Variants in USP7 observed in about 807,000 individuals in gnomAD.
The protein encoded by USP7 is ubiquitin specific peptidase 7, also known as ubiquitin C-terminal hydrolase 7.
In USP7, 9 loss-of-function variants were observed where a neutral mutation model predicts 162.9. The observed-to-expected ratio is 0.06, with a 90% confidence interval of 0.03 to 0.10. USP7 has a LOEUF of 0.10. Among genes scored for constraint, USP7 ranks in the 10% least tolerant of loss-of-function variants. USP7 has a pLI of 1.00. For missense variants in USP7, 715 were observed against 1,373.7 expected (o/e 0.52, Z 7.58); for synonymous variants, 562 against 475.9 (o/e 1.18, Z -2.35).
chr16:8,961,006 A>T (rs1294464004), intron 1 of USP7, among the ~76,000 whole-genome samples: 1 of 152,246 alleles, frequency 6.6e-6, no homozygotes, highest in African/African-American at 2.4e-5. Context: ...AGGAATCAGC[A>T]TTAGTAACTA....
At chr16:8,927,089 C>A (rs930717668) in intron 2 of USP7, among the ~76,000 whole-genome samples, 3 of 152,012 alleles carry the variant, frequency 2.0e-5, no homozygotes, top group African/African-American at 7.2e-5. Flanking sequence ...CCGGGGTGGG[C>A]GAGGCGAATC....
At chr16:8,912,393 T>G (rs1335442796) in intron 10 of USP7, among the ~76,000 whole-genome samples, 1 of 149,532 alleles carries the variant, frequency 6.7e-6, no homozygotes, top group African/African-American at 2.5e-5. Context: ...AAGGTTGTAG[T>G]GAGCTGAGAC....
intron 1 of USP7, among the ~76,000 whole-genome samples, chr16:8,961,506 G>GA (rs1018621734): frequency 8.0e-6 from 1 of 125,122 alleles, no homozygotes; most frequent in African/African-American, 3.1e-5. Context: ...AAAAAAAAAG[G>GA]GGGGGGGGGG....
At chr16:8,897,744 T>TATATATAC (rs2061710689) in intron 25 of USP7, among the ~76,000 whole-genome samples, 1 of 110,724 alleles carries the variant, frequency 9.0e-6, no homozygotes. Flanking sequence ...TATATATATA[T>TATATATAC]ATAAATGAGT....
intron 27 of USP7, 151 bp from the exon 28 acceptor site, chr16:8,895,301 A>G: frequency 7.9e-7 from 1 of 1,259,408 alleles, no homozygotes; most frequent in Non-Finnish European, 1.1e-6. Context: ...AGTGATGGGC[A>G]CTCATGGGAG....
At chr16:8,934,431 G>A (rs367926743) in intron 1 of USP7, among the ~76,000 whole-genome samples, 83 of 152,206 alleles carry the variant, frequency 5.5e-4, no homozygotes, top group African/African-American at 1.9e-3. Flanking sequence ...TAAAAACCAA[G>A]ATCAATTCAA....
intron 7 of USP7, 41 bp downstream of exon 7, chr16:8,916,985 A>AG (rs1555465213): frequency 5.9e-6 from 9 of 1,514,534 alleles, no homozygotes; most frequent in Admixed American, 4.8e-5. Context: ...AAAAAAAAAA[A>AG]AGAGGAAGCA....
rs749894577 is a variant in USP7, at chr16:8,910,825, A to G, written c.1081T>C (p.Phe361Leu). The change falls in exon 11 of 31, where the codon TTT (phenylalanine) becomes CTT (leucine). Residue 361 changes from phenylalanine (F) to leucine (L), a missense_variant and splice_region_variant. By Grantham distance (22) the Phe-to-Leu change is conservative. Transcript: ENST00000344836. Reference sequence around the variant, plus strand: ...GCCACATAATCCACAAATGATTCAAATACTTTAAAGAGAGAGAGAGAAAAG... The same window carrying G: ...GCCACATAATCCACAAATGATTCAAGTACTTTAAAGAGAGAGAGAGAAAAG... ...QLSIKGKKNI[F>L]ESFVDYVAVE... 1.9e-6 allele frequency: 3 copies of G among 1,613,618 alleles called. No homozygotes were observed. The Admixed American group carries it at 5.0e-5, about 27-fold the overall frequency.
chr16:8,906,368 C>G, intron 13 of USP7, 58 bp downstream of exon 13: 1 of 1,576,654 alleles, frequency 6.3e-7, no homozygotes, highest in Non-Finnish European at 8.6e-7. Flanking sequence ...CAGGCTGAAG[C>G]AGAGCTTGTG....
At position 8,894,052 on chromosome 16, in the gene USP7, G is replaced by C; in HGVS notation, c.3255C>G (p.Ala1085=). The C allele has an allele frequency of 6.2e-7, 1 of 1,614,142 alleles. No individual in the cohort carries two copies. The highest frequency in any genetic ancestry group is 8.5e-7 in the Non-Finnish European group (1 of 1,180,028). Residue 1085 remains alanine, a synonymous_variant, in exon 31 of 31, where the codon GCC becomes GCG. Coordinates refer to ENST00000344836, the MANE Select transcript of USP7 (RefSeq NM_003470.3). The stretch of plus-strand genomic sequence containing the variant: ...GGTAAGTGTAGCGACTCCTCTTTGG[G>C]GCTTTGTTGAAGTGGTCGAGCCCTA... ...PWLGLDHFNK[A]PKRSRYTYLE...
intron 1 of USP7, among the ~76,000 whole-genome samples, chr16:8,939,634 A>T (rs907785844): frequency 2.0e-5 from 3 of 152,266 alleles, no homozygotes; most frequent in African/African-American, 7.2e-5. Flanking sequence ...CATGAAGGAA[A>T]CCATGAATGT....
At chr16:8,911,246 C>T (rs992483370) in intron 10 of USP7, among the ~76,000 whole-genome samples, 5 of 152,136 alleles carry the variant, frequency 3.3e-5, no homozygotes, top group Non-Finnish European at 5.9e-5. Context: ...GAGGTCAACA[C>T]GGGGTGGGGT....
At chr16:8,962,701 C>G (rs1900062870) in intron 1 of USP7, 1 of 199,956 alleles carries the variant, frequency 5.0e-6, no homozygotes, top group South Asian at 6.4e-5. Context: ...GAACGTAAGC[C>G]CGACGCTAGG....
intron 1 of USP7, chr16:8,936,804 GA>G (rs1321080927): frequency 1.6e-6 from 2 of 1,225,540 alleles, no homozygotes; most frequent in African/African-American, 3.1e-5. Flanking sequence ...GGCAGTCCAG[GA>G]ACAGAAGAGG....
intron 2 of USP7, among the ~76,000 whole-genome samples, chr16:8,927,976 C>T (rs188015629): frequency 3.9e-5 from 6 of 152,358 alleles, no homozygotes; most frequent in Non-Finnish European, 7.3e-5. Flanking sequence ...GACATCCCAT[C>T]ACTACAAACA....
At chr16:8,932,079 C>G (rs577991059) in intron 1 of USP7, among the ~76,000 whole-genome samples, 1 of 152,262 alleles carries the variant, frequency 6.6e-6, no homozygotes, top group South Asian at 2.1e-4. Flanking sequence ...CAAGAACTCT[C>G]CAAAACCCCA....
At chr16:8,925,280 T>C (rs535683792) in intron 2 of USP7, among the ~76,000 whole-genome samples, 1 of 152,304 alleles carries the variant, frequency 6.6e-6, no homozygotes, top group African/African-American at 2.4e-5. Context: ...GAAGTTACCA[T>C]AACACACACA....
Position 8,912,788 on chromosome 16 carries a change from A to AG in USP7, c.1079-1962dup, listed in dbSNP as rs1236953728. ...AATTATAATTAATTGATAAATACATAGAAAAAAAAGAAGAGATAAAGATTT... is the reference window on the plus strand; with the variant it reads ...AATTATAATTAATTGATAAATACATAGGAAAAAAAAGAAGAGATAAAGATTT... On this transcript the variant is annotated intron_variant, in intron 10 of 30. Coordinates refer to ENST00000344836, the MANE Select transcript of USP7 (RefSeq NM_003470.3). Among the ~76,000 whole-genome samples the AG allele has an allele frequency of 7.2e-5, 11 of 152,208 alleles. No homozygotes were observed. In the East Asian group the frequency reaches 1.5e-3, roughly 21 times the overall value.
intron 1 of USP7, among the ~76,000 whole-genome samples, chr16:8,960,369 C>G (rs1334975358): frequency 1.3e-5 from 2 of 152,166 alleles, no homozygotes; most frequent in Admixed American, 6.5e-5. Context: ...AATAACTATT[C>G]CAGAGCACTG....
Sources: allele counts gnomAD v4.1 joint callset (sites outside exome capture counted in the v4.1 genomes callset), GRCh38; gene constraint gnomAD v4.1.1; transcripts MANE v1.5; gene names NCBI Gene and HGNC (gene_info 2026-07-23, HGNC 2026-07-21).